ST3GAL6: variants seen among roughly 807,000 people sequenced by gnomAD.
ST3GAL6 encodes ST3 beta-galactoside alpha-2,3-sialyltransferase 6, also known as type 2 lactosamine alpha-2,3-sialyltransferase.
In ST3GAL6, 31 loss-of-function variants were observed where a neutral mutation model predicts 40.5. That is an observed-to-expected ratio of 0.77 (90% CI 0.58 to 1.03). ST3GAL6 has a LOEUF of 1.03. Among genes scored for constraint, ST3GAL6 ranks in the 50% least tolerant of loss-of-function variants. ST3GAL6 has a pLI of 0.00. For missense variants in ST3GAL6, 357 were observed against 393.2 expected, an observed-to-expected ratio of 0.91 and a Z score of 0.78; for synonymous variants, 129 against 136.9, an observed-to-expected ratio of 0.94 and a Z score of 0.40.
At chr3:98,757,330 A>G (rs1475641644) in intron 1 of ST3GAL6, among the ~76,000 whole-genome samples, 1 of 152,162 alleles carries the variant, frequency 6.6e-6, no homozygotes, top group Non-Finnish European at 1.5e-5. Flanking sequence ...AGTCCTAGGG[A>G]ACCTCTTAAG....
rs367958107 is a variant in ST3GAL6 at position 98,785,021 on chromosome 3, T to G, written c.412T>G (p.Ser138Ala). The G allele has an allele frequency of 8.1e-6, 13 of 1,604,732 alleles. No individual in the cohort carries two copies. Among genetic ancestry groups the G allele is most frequent in the African/African-American group, 1.3e-5 (1 of 74,742 alleles). Residue 138 changes from serine to alanine, a missense_variant, in exon 6 of 10, where the codon TCC (serine) becomes GCC (alanine). Physicochemically the swap from Ser to Ala is moderately conservative, Grantham distance 99. Coordinates refer to ENST00000483910, the MANE Select transcript of ST3GAL6 (RefSeq NM_001323368.2). Reference sequence around the variant, plus strand: ...TAAGACATTAGGAGAAAAAATCGACTCCTATGATGTAATAATAAGGTAAAT... The same window carrying G: ...TAAGACATTAGGAGAAAAAATCGACGCCTATGATGTAATAATAAGGTAAAT... The part of the protein sequence containing the change: ...KNKTLGEKID[S>A]YDVIIRMNNG...
chr3:98,752,549 G>A (rs190037182), intron 1 of ST3GAL6, among the ~76,000 whole-genome samples: 1 of 152,108 alleles, frequency 6.6e-6, no homozygotes, highest in East Asian at 1.9e-4. Flanking sequence ...TTGGCTCACT[G>A]CAACCTCCGC....
chr3:98,756,455 AG>A, intron 1 of ST3GAL6: 1 of 1,289,642 alleles, frequency 7.8e-7, no homozygotes. Flanking sequence ...CAGCGTCCTG[AG>A]TCTTTGGCAG....
intron 1 of ST3GAL6, among the ~76,000 whole-genome samples, chr3:98,743,053 G>A (rs1264703037): frequency 7.0e-6 from 1 of 143,750 alleles, no homozygotes; most frequent in Non-Finnish European, 1.5e-5. Context: ...CTGTCGCCCA[G>A]GCTGGAATAT....
chr3:98,755,767 T>C (rs1379169420), intron 1 of ST3GAL6, among the ~76,000 whole-genome samples: 1 of 152,170 alleles, frequency 6.6e-6, no homozygotes, highest in Non-Finnish European at 1.5e-5. Context: ...GTGTTAGTCT[T>C]GTGTAAAAAT....
At chr3:98,768,669 A>G in intron 2 of ST3GAL6, 140 bp downstream of exon 2, 1 of 650,018 alleles carries the variant, frequency 1.5e-6, no homozygotes, top group Non-Finnish European at 2.7e-6. Context: ...TTGGGGTTTT[A>G]CCATTCCAGT....
intron 6 of ST3GAL6, among the ~76,000 whole-genome samples, chr3:98,786,348 C>T (rs535927912): frequency 7.2e-5 from 11 of 152,180 alleles, no homozygotes; most frequent in South Asian, 2.1e-4. Context: ...AGAAGAAAAT[C>T]GGGAGAAGGT....
rs1420413549 is a variant in ST3GAL6, at chr3:98,795,127, A to AATG, written c.*1368_*1370dup. The AATG allele has an allele frequency of 6.6e-6, 1 of 152,138 alleles. No homozygotes were observed. Among genetic ancestry groups the AATG allele is most frequent in the African/African-American group, 2.4e-5 (1 of 41,420 alleles). 9.4% of individuals were successfully genotyped at this position (152,138 alleles called of 1,614,324 possible). On this transcript the variant is annotated 3_prime_UTR_variant, in exon 10 of 10. Coordinates refer to ENST00000483910, the MANE Select transcript of ST3GAL6 (RefSeq NM_001323368.2). ...ACCAAAGGCCATCTGGAGGTAGGGG[A>AATG]ATGAGAGGTGAAGAAACAGAAAAAT... is the stretch of plus-strand genomic sequence containing the variant.
intron 1 of ST3GAL6, among the ~76,000 whole-genome samples, chr3:98,757,552 A>G (rs993233867): frequency 1.3e-5 from 2 of 152,084 alleles, no homozygotes; most frequent in South Asian, 2.1e-4. Flanking sequence ...TTTCTTGTCA[A>G]TCTTTACCAT....
chr3:98,736,461 G>A (rs1024891728), intron 1 of ST3GAL6, among the ~76,000 whole-genome samples: 1 of 152,204 alleles, frequency 6.6e-6, no homozygotes, highest in Non-Finnish European at 1.5e-5. Flanking sequence ...CAAGGAAGCT[G>A]GAGATTCCTC....
chr3:98,733,420 C>A, intron 1 of ST3GAL6: 1 of 1,008,552 alleles, frequency 9.9e-7, no homozygotes, highest in Non-Finnish European at 1.2e-6. Flanking sequence ...GTGTCCAGCT[C>A]CTCGTTCACT....
intron 1 of ST3GAL6, among the ~76,000 whole-genome samples, chr3:98,738,407 G>A (rs1006915852): frequency 2.0e-5 from 3 of 151,942 alleles, no homozygotes; most frequent in Non-Finnish European, 4.4e-5. Context: ...CTAGGTAGCT[G>A]GGACTGCAGA....
rs1028312078 is a variant in ST3GAL6, at chr3:98,768,419, T to C, written c.-11-11T>C. The C allele has an allele frequency of 8.1e-6, 13 of 1,608,290 alleles. No individual in the cohort carries two copies. The highest frequency in any genetic ancestry group is 1.0e-5 in the Non-Finnish European group (12 of 1,174,864). The stretch of plus-strand genomic sequence containing the variant: ...TGGCCTTTGCTTTGGACTTCATTCC[T>C]TGTGTTTCAGGTGAGCCAGCCATGA... On this transcript the variant is annotated splice_polypyrimidine_tract_variant and intron_variant, in intron 1 of 9. Transcript: ENST00000483910.
upstream of ST3GAL6, among the ~76,000 whole-genome samples, chr3:98,759,804 A>G (rs1177497212): frequency 6.6e-6 from 1 of 152,200 alleles, no homozygotes; most frequent in Non-Finnish European, 1.5e-5. Flanking sequence ...ACTTAGGTGA[A>G]TCAGAAGGAG....
intron 1 of ST3GAL6, among the ~76,000 whole-genome samples, chr3:98,746,031 G>A (rs1025599351): frequency 6.6e-6 from 1 of 152,106 alleles, no homozygotes; most frequent in Non-Finnish European, 1.5e-5. Context: ...ATGGATGGTT[G>A]GATGGATAGA....
intron 5 of ST3GAL6, among the ~76,000 whole-genome samples, 197 bp from the exon 6 acceptor site, chr3:98,784,748 T>C (rs1473711891): frequency 6.6e-6 from 1 of 152,232 alleles, no homozygotes; most frequent in Non-Finnish European, 1.5e-5. Context: ...GACAATGATA[T>C]GCTCTTCCTA....
intron 1 of ST3GAL6, among the ~76,000 whole-genome samples, chr3:98,743,606 T>A (rs1323534651): frequency 6.6e-6 from 1 of 152,124 alleles, no homozygotes; most frequent in Non-Finnish European, 1.5e-5. Flanking sequence ...AGCATATAAG[T>A]ATAGTTCAAT....
In ST3GAL6 at chr3:98,791,855, A is replaced by G; in HGVS notation, c.771A>G (p.Pro257=). ...CCCTCCCCCAGAAACCTAAACACCC[A>G]ACAACAGGAATTATTGCCATCACAT... ...VFPKNQKPKH[P]TTGIIAITLA... Residue 257 remains proline (P), a synonymous_variant, in exon 9 of 10, where the codon CCA becomes CCG. Coordinates refer to ENST00000483910, the MANE Select transcript of ST3GAL6 (RefSeq NM_001323368.2). The G allele has an allele frequency of 6.2e-7, 1 of 1,612,202 alleles. No individual in the cohort carries two copies. Among genetic ancestry groups the G allele is most frequent in the Non-Finnish European group, 8.5e-7 (1 of 1,179,026 alleles).
chr3:98,783,731 G>A, intron 5 of ST3GAL6: 2 of 981,414 alleles, frequency 2.0e-6, no homozygotes, highest in Non-Finnish European at 2.4e-6. Context: ...TTACCAACCT[G>A]TGCCACTGGT....
Sources: gnomAD v4.1 joint callset for allele counts (sites outside exome capture counted in the v4.1 genomes callset) on GRCh38, gnomAD v4.1.1 for gene constraint, MANE v1.5 for transcripts, NCBI Gene and HGNC (gene_info 2026-07-23, HGNC 2026-07-21) for gene names.